The following TMLHE variants were observed in gnomAD, a reference collection of about 807,000 sequenced individuals.
TMLHE encodes trimethyllysine hydroxylase, epsilon.
A neutral mutation model predicts 25.7 loss-of-function variants in TMLHE; 18 were observed. That is an observed-to-expected ratio of 0.70 (90% confidence interval 0.48 to 1.04). The LOEUF is 1.04. Ranked by LOEUF, TMLHE falls within the 50% of genes least tolerant of loss-of-function variation. TMLHE has a pLI of 0.00. For synonymous variants in TMLHE, 105 were observed against 97.0 expected, an observed-to-expected ratio of 1.08 and a Z score of -0.49; for missense variants, 236 against 259.0, an observed-to-expected ratio of 0.91 and a Z score of 0.61.
chrX:155,513,520 ACAAT>A (rs1158212074), intron 4 of TMLHE, among the ~76,000 whole-genome samples: 1 of 111,155 alleles, frequency 9.0e-6, no homozygotes, highest in Non-Finnish European at 1.9e-5. Flanking sequence ...AGTGTTATTA[ACAAT>A]CAGTCTCTGA....
intron 1 of TMLHE, among the ~76,000 whole-genome samples, chrX:155,608,377 TG>T (rs2067799788): frequency 1.5e-4 from 1 of 6,540 alleles, no homozygotes; most frequent in Admixed American, 3.2e-3. Flanking sequence ...AGAAGGCGTC[TG>T]CCTTCTTTAC....
chrX:155,594,093 A>G (rs2067707972), intron 1 of TMLHE, among the ~76,000 whole-genome samples: 3 of 111,998 alleles, frequency 2.7e-5, no homozygotes, highest in Admixed American at 9.5e-5. Flanking sequence ...AAGCATACAG[A>G]CCTGCAATCA....
intron 1 of TMLHE, among the ~76,000 whole-genome samples, chrX:155,556,979 C>G (rs2067461231): frequency 8.9e-6 from 1 of 112,232 alleles, no homozygotes. Context: ...CTGTTCTGCC[C>G]AGCTCACCGG....
intron 1 of TMLHE, among the ~76,000 whole-genome samples, chrX:155,548,731 T>C (rs868974570): frequency 1.0e-5 from 1 of 100,130 alleles, no homozygotes; most frequent in African/African-American, 4.1e-5. Context: ...TGAGACTCTG[T>C]CTCAAAAAAA....
intron 1 of TMLHE, among the ~76,000 whole-genome samples, chrX:155,566,402 C>T (rs1557342181): frequency 3.2e-5 from 2 of 61,622 alleles, no homozygotes; most frequent in Admixed American, 1.9e-4. Flanking sequence ...CCAGTCTAAG[C>T]AGGAAGGTTG....
At chrX:155,568,574 G>A (rs1162795814) in intron 1 of TMLHE, among the ~76,000 whole-genome samples, 1 of 62,449 alleles carries the variant, frequency 1.6e-5, no homozygotes. Context: ...GCCTAACTGG[G>A]AGGCACCCCC....
chrX:155,547,653 A>G (rs1004528049), intron 1 of TMLHE, among the ~76,000 whole-genome samples: 1 of 110,317 alleles, frequency 9.1e-6, no homozygotes, highest in Non-Finnish European at 1.9e-5. Context: ...GGAGCTCCAC[A>G]TGACTAGTGT....
At chrX:155,592,400 C>A (rs2067698672) in intron 1 of TMLHE, among the ~76,000 whole-genome samples, 1 of 112,008 alleles carries the variant, frequency 8.9e-6, no homozygotes, top group East Asian at 2.8e-4. Flanking sequence ...TTTGTGAAAA[C>A]CCCAAAACTT....
At chrX:155,606,915 C>T (rs1167885174) in intron 1 of TMLHE, among the ~76,000 whole-genome samples, 2 of 110,013 alleles carry the variant, frequency 1.8e-5, no homozygotes, top group Non-Finnish European at 3.8e-5. Context: ...TAAGACTGAA[C>T]CAAGAAGAAA....
chrX:155,524,762 A>G, intron 2 of TMLHE, 130 bp from the exon 3 acceptor site: 1 of 469,055 alleles, frequency 2.1e-6, no homozygotes, highest in Non-Finnish European at 3.3e-6. Flanking sequence ...CTTGCCCCTT[A>G]CCAGATATTA....
At chrX:155,515,386 T>C (rs1249874855) in intron 3 of TMLHE, among the ~76,000 whole-genome samples, 2 of 110,599 alleles carry the variant, frequency 1.8e-5, no homozygotes, top group East Asian at 5.6e-4. Flanking sequence ...TCTGTTATTC[T>C]GGGTATGTAC....
At chrX:155,601,043 G>A (rs1462435723) in intron 1 of TMLHE, among the ~76,000 whole-genome samples, 2 of 111,951 alleles carry the variant, frequency 1.8e-5, no homozygotes, top group Non-Finnish European at 3.8e-5. Flanking sequence ...GAAGGCAGTG[G>A]AATAGCAAAA....
At position 155,552,918 on chromosome X, in the gene TMLHE, T is replaced by C. The variant is rs1421272048; in HGVS notation, c.-1-7641A>G. 2.7e-5 allele frequency among the ~76,000 whole-genome samples: 3 copies of C among 110,889 alleles called. No homozygotes were observed. In the Admixed American group the frequency reaches 2.9e-4, roughly 11 times the overall value. ...TAAATTTTAAGATGCTATATTTCCATTTCTCAGTCAGCTCAAAATATTTTC... is the reference window on the plus strand; with the variant it reads ...TAAATTTTAAGATGCTATATTTCCACTTCTCAGTCAGCTCAAAATATTTTC... On this transcript the variant is annotated intron_variant, in intron 1 of 7. Coordinates refer to ENST00000334398, the MANE Select transcript of TMLHE (RefSeq NM_018196.4).
chrX:155,543,384 A>C (rs1557338393), intron 2 of TMLHE, among the ~76,000 whole-genome samples: 1 of 111,807 alleles, frequency 8.9e-6, no homozygotes, highest in Non-Finnish European at 1.9e-5. Context: ...TCTAAACCCT[A>C]ACAATGAACT....
At chrX:155,604,830 C>T (rs954107287) in intron 1 of TMLHE, among the ~76,000 whole-genome samples, 1 of 112,058 alleles carries the variant, frequency 8.9e-6, no homozygotes, top group East Asian at 2.8e-4. Context: ...CTCTGTGAAA[C>T]GAAGAACAAG....
At chrX:155,540,638 A>G (rs149758724) in intron 2 of TMLHE, among the ~76,000 whole-genome samples, 10 of 111,894 alleles carry the variant, frequency 8.9e-5, no homozygotes, top group African/African-American at 2.3e-4. Flanking sequence ...GAATTGTAAT[A>G]TAAGTGTGTA....
intron 1 of TMLHE, among the ~76,000 whole-genome samples, chrX:155,582,814 A>T (rs1285564135): frequency 8.0e-5 from 9 of 112,252 alleles, no homozygotes; most frequent in African/African-American, 2.9e-4. Context: ...CAGCCATCCC[A>T]TTACTGGGTA....
chrX:155,565,176 C>T lies in TMLHE; in HGVS notation c.-1-19899G>A, dbSNP rs10126403. ...ATATGTATTTACTGTCAACAATATG[C>T]TGTGAGAGGAAAGGGAAGACCTTAA... On this transcript the variant is annotated intron_variant, in intron 1 of 7. Coordinates refer to ENST00000334398, the MANE Select transcript of TMLHE (RefSeq NM_018196.4). Among the ~76,000 whole-genome samples the T allele has an allele frequency of 2.6e-3, 159 of 62,072 alleles. 14 individuals are homozygous for T. The highest frequency in any genetic ancestry group is 5.5e-3 in the African/African-American group (154 of 28,014). 53.9% of individuals were successfully genotyped at this position (62,072 alleles called of 115,157 possible).
At chrX:155,612,045 C>T (rs1465454750) in intron 1 of TMLHE, 4 of 112,065 alleles carry the variant, frequency 3.6e-5, no homozygotes, top group African/African-American at 1.3e-4. Flanking sequence ...AGGCAGTGTA[C>T]TATGTCCACT....
Sources: gnomAD v4.1 joint callset for allele counts (sites outside exome capture counted in the v4.1 genomes callset) on GRCh38, gnomAD v4.1.1 for gene constraint, MANE v1.5 for transcripts, NCBI Gene and HGNC (gene_info 2026-07-23, HGNC 2026-07-21) for gene names.